The following XYLT1 variants were observed in gnomAD, a reference collection of about 807,000 sequenced individuals.
The protein encoded by XYLT1 is xylosyltransferase 1, also known as beta-D-xylosyltransferase 1.
Under a neutral mutation model 91.3 loss-of-function variants are expected in XYLT1, and 36 were observed. That is an observed-to-expected ratio of 0.39 (90% CI 0.30 to 0.52). The LOEUF (loss-of-function observed/expected upper bound fraction) is 0.52, where lower values mean the gene tolerates loss of function less well. XYLT1 is among the 20% of genes least tolerant of loss of function. XYLT1 has a pLI of 0.68. For synonymous variants in XYLT1, 588 were observed against 532.0 expected (o/e 1.11, Z -1.45); for missense variants, 1,242 against 1,284.5 (o/e 0.97, Z 0.51).
intron 9 of XYLT1, among the ~76,000 whole-genome samples, chr16:17,130,915 ACTTC>A (rs2030446369): frequency 6.6e-6 from 1 of 151,750 alleles, no homozygotes; most frequent in Non-Finnish European, 1.5e-5. Flanking sequence ...CTAATCCACC[ACTTC>A]CTTCCTCATT....
intron 1 of XYLT1, among the ~76,000 whole-genome samples, chr16:17,363,231 C>T (rs550211635): frequency 2.0e-5 from 3 of 152,194 alleles, no homozygotes; most frequent in Non-Finnish European, 2.9e-5. Flanking sequence ...CCTAGTAGTG[C>T]AGGACAAAGA....
rs574381796 is a variant in XYLT1, at chr16:17,461,774, T to C, written c.363+8660A>G. Among the ~76,000 whole-genome samples, 20 of 152,270 alleles carry C rather than the reference T, an allele frequency of 1.3e-4. No individual in the cohort carries two copies. In the East Asian group the frequency reaches 3.9e-3, roughly 29 times the overall value. ...ACTGGGTAGACTGAGAACACAGCCT[T>C]TGGAGACACCACCCAACTTCAATTT... is the stretch of plus-strand genomic sequence containing the variant. On this transcript the variant is annotated intron_variant, in intron 1 of 11. Transcript: ENST00000261381.
chr16:17,277,045 T>C (rs1388343512), intron 2 of XYLT1, among the ~76,000 whole-genome samples: 3 of 152,226 alleles, frequency 2.0e-5, no homozygotes, highest in African/African-American at 7.2e-5. Context: ...AAGTACATCT[T>C]AGGTGCTGGG....
At chr16:17,166,092 G>A (rs2031673210) in intron 5 of XYLT1, among the ~76,000 whole-genome samples, 1 of 152,198 alleles carries the variant, frequency 6.6e-6, no homozygotes. Flanking sequence ...GGTTAAGCAG[G>A]GGCCTTCTGG....
chr16:17,262,480 G>A (rs1441941588), intron 2 of XYLT1, among the ~76,000 whole-genome samples: 3 of 152,104 alleles, frequency 2.0e-5, no homozygotes, highest in Non-Finnish European at 4.4e-5. Flanking sequence ...TGGAATAATG[G>A]GTATCACCAT....
At chr16:17,343,432 T>C (rs1596492647) in intron 2 of XYLT1, among the ~76,000 whole-genome samples, 1 of 152,114 alleles carries the variant, frequency 6.6e-6, no homozygotes, top group Non-Finnish European at 1.5e-5. Context: ...CTACATCCTT[T>C]TGTGCCTCAA....
chr16:17,370,334 T>C (rs2035515598), intron 1 of XYLT1, among the ~76,000 whole-genome samples: 1 of 152,160 alleles, frequency 6.6e-6, no homozygotes, highest in Admixed American at 6.5e-5. Context: ...CTTACAACGA[T>C]CCGCTTTCAT....
intron 2 of XYLT1, among the ~76,000 whole-genome samples, chr16:17,343,531 C>T (rs944744283): frequency 1.2e-4 from 18 of 152,158 alleles, no homozygotes; most frequent in African/African-American, 3.6e-4. Flanking sequence ...AGTGCAGTAG[C>T]GCAATCACAG....
At chr16:17,232,021 C>T (rs2033163766) in intron 3 of XYLT1, among the ~76,000 whole-genome samples, 1 of 149,928 alleles carries the variant, frequency 6.7e-6, no homozygotes, top group South Asian at 2.1e-4. Flanking sequence ...TATAATAGGG[C>T]TGAATAGTCA....
intron 2 of XYLT1, among the ~76,000 whole-genome samples, chr16:17,310,684 A>C (rs1357456069): frequency 1.3e-5 from 2 of 152,120 alleles, no homozygotes; most frequent in East Asian, 3.9e-4. Flanking sequence ...CCCCATCTCT[A>C]CTAAAAATAC....
chr16:17,386,130 C>T (rs539108493), intron 1 of XYLT1, among the ~76,000 whole-genome samples: 2 of 152,220 alleles, frequency 1.3e-5, no homozygotes, highest in East Asian at 3.9e-4. Context: ...ACTTATGTAA[C>T]AGCTGAGAAA....
At chr16:17,131,493 C>T (rs1275995455) in intron 9 of XYLT1, among the ~76,000 whole-genome samples, 1 of 152,184 alleles carries the variant, frequency 6.6e-6, no homozygotes, top group African/African-American at 2.4e-5. Context: ...CATGGACCTC[C>T]AGGTTCCCAT....
chr16:17,342,155 A>C (rs1481618421), intron 2 of XYLT1, among the ~76,000 whole-genome samples: 1 of 151,928 alleles, frequency 6.6e-6, no homozygotes. Context: ...TCTCTCCCTT[A>C]CTCATGCTGT....
intron 1 of XYLT1, among the ~76,000 whole-genome samples, chr16:17,452,772 T>C (rs970748303): frequency 6.6e-6 from 1 of 152,312 alleles, no homozygotes; most frequent in East Asian, 1.9e-4. Flanking sequence ...ATTAAGATTC[T>C]TTTTAGACCA....
chr16:17,129,884 G>T (rs2030405808), intron 9 of XYLT1, among the ~76,000 whole-genome samples: 1 of 152,192 alleles, frequency 6.6e-6, no homozygotes, highest in South Asian at 2.1e-4. Flanking sequence ...TTTCTTCCAT[G>T]TGACTTTGCA....
At chr16:17,305,779 A>C (rs2034462132) in intron 2 of XYLT1, among the ~76,000 whole-genome samples, 1 of 152,150 alleles carries the variant, frequency 6.6e-6, no homozygotes, top group East Asian at 1.9e-4. Flanking sequence ...GGCAAACCCC[A>C]GACTCTGACT....
chr16:17,136,771 T>A (rs1484471993), intron 8 of XYLT1, among the ~76,000 whole-genome samples: 1 of 152,034 alleles, frequency 6.6e-6, no homozygotes, highest in Non-Finnish European at 1.5e-5. Context: ...TGACTCTAGA[T>A]CTTGGGGGAT....
chr16:17,416,356 G>A (rs1478625581), intron 1 of XYLT1, among the ~76,000 whole-genome samples: 1 of 152,212 alleles, frequency 6.6e-6, no homozygotes, highest in East Asian at 1.9e-4. Flanking sequence ...GAGAGGATGG[G>A]CCCCACTCAT....
chr16:17,357,998 G>A lies in XYLT1; in HGVS notation c.402+14C>T. 6.2e-7 allele frequency: 1 copy of A among 1,613,522 alleles called. No homozygotes were observed. Among genetic ancestry groups the A allele is most frequent in the African/African-American group, 1.3e-5 (1 of 75,056 alleles). Reference sequence around the variant, plus strand: ...AAGGCTGAGATAAGTGGCCAAGACAGGAAAGATACTTACCTGAGTCTCCAG... The same window carrying A: ...AAGGCTGAGATAAGTGGCCAAGACAAGAAAGATACTTACCTGAGTCTCCAG... On this transcript the variant is annotated intron_variant, in intron 2 of 11. Coordinates refer to ENST00000261381, the MANE Select transcript of XYLT1 (RefSeq NM_022166.4).
Sources: allele counts gnomAD v4.1 joint callset (sites outside exome capture counted in the v4.1 genomes callset), GRCh38; gene constraint gnomAD v4.1.1; transcripts MANE v1.5; gene names NCBI Gene and HGNC (gene_info 2026-07-23, HGNC 2026-07-21).